Variants in TLN1 observed in about 807,000 individuals in gnomAD.
The protein encoded by TLN1 is talin-1.
In TLN1, 56 loss-of-function variants were observed where a neutral mutation model predicts 292.3. The observed-to-expected ratio is 0.19, with a 90% confidence interval of 0.15 to 0.24. The LOEUF is 0.24. Among genes scored for constraint, TLN1 ranks in the 10% least tolerant of loss-of-function variants. TLN1 has a pLI of 1.00. For synonymous variants in TLN1, 1,119 were observed against 1,253.7 expected (o/e 0.89, Z 2.27); for missense variants, 2,433 against 3,248.2 (o/e 0.75, Z 6.10).
intron 7 of TLN1, 106 bp downstream of exon 7, chr9:35,723,846 G>A: frequency 6.5e-7 from 1 of 1,542,652 alleles, no homozygotes; most frequent in South Asian, 1.2e-5. Flanking sequence ...TGGTACCTCG[G>A]AAGAAGAAAT....
In TLN1 at chr9:35,703,915, G is replaced by A. The variant is rs781651312; in HGVS notation, c.6232-15C>T. ...ATTAGTACCACCTGTGTGGGAAAGC[G>A]TTGGCTCTGGTCTATGGGAGGAAGA... is the stretch of plus-strand genomic sequence containing the variant. On this transcript the variant is annotated splice_polypyrimidine_tract_variant and intron_variant, in intron 46 of 56. Coordinates refer to ENST00000314888, the MANE Select transcript of TLN1 (RefSeq NM_006289.4). 6 of 1,613,924 alleles carry A rather than the reference G, an allele frequency of 3.7e-6. No individual in the cohort carries two copies. Among genetic ancestry groups the A allele is most frequent in the South Asian group, 1.1e-5 (1 of 91,090 alleles).
rs145146362 is a variant in TLN1, at chr9:35,722,178, G to A, written c.889C>T (p.Arg297Cys). Residue 297 changes from arginine (R) to cysteine (C), a missense_variant, in exon 9 of 57, where the codon CGC (arginine) becomes TGC (cysteine). Coordinates refer to ENST00000314888, the MANE Select transcript of TLN1 (RefSeq NM_006289.4). ...AGAGAACGGGCTAGCTTCACGTAGCGGACCTTGGCCTCAATCTCACTCATC... is the reference window on the plus strand; with the variant it reads ...AGAGAACGGGCTAGCTTCACGTAGCAGACCTTGGCCTCAATCTCACTCATC... ...GQMSEIEAKV[R>C]YVKLARSLKT... is the part of the protein sequence containing the mutation. The A allele has an allele frequency of 2.1e-5, 34 of 1,614,198 alleles. No individual in the cohort carries two copies. Among genetic ancestry groups the A allele is most frequent in the Admixed American group, 3.3e-5 (2 of 60,028 alleles).
At chr9:35,713,111 C>T (rs1412605787) in intron 26 of TLN1, 68 bp from the exon 27 acceptor site, 13 of 1,570,074 alleles carry the variant, frequency 8.3e-6, no homozygotes, top group Middle Eastern at 2.0e-4. Flanking sequence ...CCAGTGGTTT[C>T]GTCTGTCAGT....
In TLN1 at chr9:35,710,548, T is replaced by C; in HGVS notation, c.4326+13A>G. On this transcript the variant is annotated intron_variant, in intron 33 of 56. Coordinates refer to ENST00000314888, the MANE Select transcript of TLN1 (RefSeq NM_006289.4). ...GTAGGGGCCATTCAAAGAACCCATC[T>C]CAGGAAAATAACCTGTGCAGCTGCC... 1 of 1,608,772 alleles carries C rather than the reference T, an allele frequency of 6.2e-7. No homozygotes were observed. Among genetic ancestry groups the C allele is most frequent in the Non-Finnish European group, 8.5e-7 (1 of 1,176,880 alleles).
rs1233237980 is a variant in TLN1 at position 35,712,862 on chromosome 9, G to T, written c.3534C>A (p.Asp1178Glu). 1 of 1,590,614 alleles carries T rather than the reference G, an allele frequency of 6.3e-7. No homozygotes were observed. The highest frequency in any genetic ancestry group is 1.3e-5 in the African/African-American group (1 of 74,706). Residue 1178 changes from aspartate to glutamate, a missense_variant, in exon 27 of 57, where the codon GAC (aspartate) becomes GAA (glutamate). Around this residue, in one of 7 missense-constraint regions of TLN1, gnomAD observed 1,384 missense variants for 1,699.6 expected, o/e 0.81. Coordinates refer to ENST00000314888, the MANE Select transcript of TLN1 (RefSeq NM_006289.4). ...EAKKAAGHPGDPESQQRLAQV... is the reference protein window; with the variant it reads ...EAKKAAGHPGEPESQQRLAQV... ...GGGCAAGCCGCTGCTGGCTCTCAGG[G>T]TCCCCTGGATGGCCAGCTGCCTTTT...
intron 29 of TLN1, 43 bp from the exon 30 acceptor site, chr9:35,711,437 T>C (rs368023589): frequency 8.1e-6 from 13 of 1,612,902 alleles, no homozygotes; most frequent in Admixed American, 3.3e-5. Flanking sequence ...TGTCCTTTCT[T>C]ATCTGTCTCT....
At chr9:35,697,990 G>A in intron 56 of TLN1, 54 bp downstream of exon 56, 1 of 1,614,014 alleles carries the variant, frequency 6.2e-7, no homozygotes, top group Non-Finnish European at 8.5e-7. Context: ...GACCAGCGCA[G>A]GCAACATGAC....
Position 35,721,790 on chromosome 9 carries a change from C to T in TLN1, c.962G>A (p.Gly321Glu). The change falls in exon 10 of 57, where the codon GGG becomes GAG. Residue 321 changes from glycine to glutamate, a missense_variant. By Grantham distance (98) the Gly-to-Glu change is moderately conservative. Transcript: ENST00000314888. ...AAGCCTGGGCACTAGCTTGTTCTTC[C>T]CTTTCATTTTTTCCTATGAGGCAGA... ...SFFLVKEKMKGKNKLVPRLLG... is the reference protein window; with the variant it reads ...SFFLVKEKMKEKNKLVPRLLG... The T allele has an allele frequency of 6.2e-7, 1 of 1,609,992 alleles. No individual in the cohort carries two copies. The highest frequency in any genetic ancestry group is 8.5e-7 in the Non-Finnish European group (1 of 1,176,410).
rs765657300 is a variant in TLN1 at position 35,698,581 on chromosome 9, CA to C, written c.7188+35del. 1 of 1,614,084 alleles carries C rather than the reference CA, an allele frequency of 6.2e-7. No homozygotes were observed. The highest frequency in any genetic ancestry group is 8.5e-7 in the Non-Finnish European group (1 of 1,180,032). Reference sequence around the variant, plus strand: ...CCCACTCCAGCCTTCTCAAGTCTCTCAAACTGAGAGAGACCTAGTGGTATTG... The same window carrying C: ...CCCACTCCAGCCTTCTCAAGTCTCTCAACTGAGAGAGACCTAGTGGTATTG... On this transcript the variant is annotated intron_variant, in intron 54 of 56. Transcript: ENST00000314888. The surrounding 1 kb of genome is among the most constrained non-coding windows in gnomAD (Gnocchi z 5.3).
Position 35,706,559 on chromosome 9 carries a change from G to A in TLN1, c.5089-8C>T, listed in dbSNP as rs1274651718. 3 of 1,613,648 alleles carry A rather than the reference G, an allele frequency of 1.9e-6. No individual in the cohort carries two copies. In the South Asian group the frequency reaches 3.3e-5, roughly 18 times the overall value. On this transcript the variant is annotated splice_polypyrimidine_tract_variant and splice_region_variant and intron_variant, in intron 38 of 56. Transcript: ENST00000314888. The surrounding 1 kb of genome is among the most constrained non-coding windows in gnomAD (Gnocchi z 4.2). ...CATCTGAGTGTGCAAGGCCTGGGGA[G>A]GAAGTGGACATTAGCCCTGATGGTG...
In TLN1 at chr9:35,711,880, T is replaced by A. The variant is rs1825676093; in HGVS notation, c.3682-88A>T. On this transcript the variant is annotated intron_variant, in intron 28 of 56. Transcript: ENST00000314888. The stretch of plus-strand genomic sequence containing the variant: ...AAGGAGGGCTGAAAAGGTGGGCACA[T>A]AGCCTGGGAGTAATGAAAGGGGACA... The A allele has an allele frequency of 2.5e-6, 4 of 1,598,316 alleles. No homozygotes were observed. The East Asian group carries it at 6.7e-5, about 27-fold the overall frequency.
rs752927965 is a variant in TLN1 at position 35,725,302 on chromosome 9, A to G, written c.150T>C (p.Phe50=). The G allele has an allele frequency of 3.1e-6, 5 of 1,614,170 alleles. No homozygotes were observed. The Admixed American group carries it at 8.3e-5, about 27-fold the overall frequency. ...PAGPPSDFGL[F]LSDDDPKKGI... The stretch of plus-strand genomic sequence containing the variant: ...CCTTTTTGGGGTCATCATCTGACAG[A>G]AAGAGCCCAAAGTCGCTGGCTAAAA... Residue 50 remains phenylalanine (F), a synonymous_variant, in exon 3 of 57, where the codon TTT becomes TTC. Coordinates refer to ENST00000314888, the MANE Select transcript of TLN1 (RefSeq NM_006289.4).
chr9:35,727,100 C>T (rs1374448150), intron 1 of TLN1, among the ~76,000 whole-genome samples: 1 of 152,208 alleles, frequency 6.6e-6, no homozygotes, highest in Non-Finnish European at 1.5e-5. Context: ...GCAGGTGGCG[C>T]ACAGGCTGCA....
chr9:35,704,950 G>A lies in TLN1; in HGVS notation c.5734-135C>T. 9.1e-7 allele frequency: 1 copy of A among 1,097,520 alleles called. No individual in the cohort carries two copies. Among genetic ancestry groups the A allele is most frequent in the Non-Finnish European group, 1.3e-6 (1 of 780,396 alleles). The allele number at this position is 1,097,520 out of a possible 1,614,324, so 68.0% of individuals were successfully genotyped here. A position where few individuals can be genotyped will look rare whatever the true frequency, so the allele number is the denominator to read the frequency against. On this transcript the variant is annotated intron_variant, in intron 43 of 56. Coordinates refer to ENST00000314888, the MANE Select transcript of TLN1 (RefSeq NM_006289.4). This position sits in a 1 kb window ranked among gnomAD's most constrained non-coding sequence, Gnocchi z 6.9. ...AAGAAGCAGAGAGAGAAGGTTCCCA[G>A]CACAAGGACGTTTCCGGTTGCATAT...
chr9:35,714,607 A>G lies in TLN1; in HGVS notation c.2952T>C (p.Leu984=). Residue 984 remains leucine (L), a synonymous_variant, in exon 23 of 57, where the codon CTT becomes CTC. Coordinates refer to ENST00000314888, the MANE Select transcript of TLN1 (RefSeq NM_006289.4). The surrounding 1 kb of genome is among the most constrained non-coding windows in gnomAD (Gnocchi z 4.6). ...AGCTCTGGCTGGCAGCAATGAGGGC[A>G]AGCTGAGCGCTGGGGCTGTCAGGCT... is the stretch of plus-strand genomic sequence containing the variant. ...QAQPDSPSAQ[L]ALIAASQSFL... is the part of the protein sequence containing the mutation. 1 of 1,612,782 alleles carries G rather than the reference A, an allele frequency of 6.2e-7. No individual in the cohort carries two copies. The highest frequency in any genetic ancestry group is 8.5e-7 in the Non-Finnish European group (1 of 1,180,028).
At position 35,705,737 on chromosome 9, in the gene TLN1, C is replaced by T. The variant is rs201626255; in HGVS notation, c.5613+13G>A. ...TCTCCGAGGGCAGTCCTCTGGGACT[C>T]GCCCAAACTCACCATCTCCTGAACG... On this transcript the variant is annotated intron_variant, in intron 42 of 56. Coordinates refer to ENST00000314888, the MANE Select transcript of TLN1 (RefSeq NM_006289.4). The T allele has an allele frequency of 4.5e-5, 72 of 1,614,200 alleles. 1 individual carries two copies. The Admixed American group carries it at 1.0e-3, about 24-fold the overall frequency.
At position 35,699,981 on chromosome 9, in the gene TLN1, A is replaced by T; in HGVS notation, c.6761T>A (p.Val2254Glu). Reference protein sequence around the residue: ...ANGYLELLDHVLLTLQKPSPE... With the variant: ...ANGYLELLDHELLTLQKPSPE... ...AGCAACGCCCTCCCTTACCAGCAGT[A>T]CATGGTCCAGCAGTTCCAGGTAGCC... The change falls in exon 50 of 57, where the codon GTA (valine) becomes GAA (glutamate). Residue 2254 changes from valine (V) to glutamate (E), a missense_variant. Physicochemically the swap from Val to Glu is moderately radical, Grantham distance 121. Coordinates refer to ENST00000314888, the MANE Select transcript of TLN1 (RefSeq NM_006289.4). The surrounding 1 kb of genome is among the most constrained non-coding windows in gnomAD (Gnocchi z 4.0). 2 of 1,611,878 alleles carry T rather than the reference A, an allele frequency of 1.2e-6. No individual in the cohort carries two copies. The highest frequency in any genetic ancestry group is 3.3e-5 in the Admixed American group (2 of 59,804).
chr9:35,720,149 T>C lies in TLN1; in HGVS notation c.1354A>G (p.Ile452Val), dbSNP rs1224311715. 5.0e-6 allele frequency: 8 copies of C among 1,612,456 alleles called. No homozygotes were observed. Among genetic ancestry groups the C allele is most frequent in the Non-Finnish European group, 5.9e-6 (7 of 1,179,386 alleles). Residue 452 changes from isoleucine (I) to valine (V), a missense_variant, in exon 13 of 57, where the codon ATC (isoleucine) becomes GTC (valine). By Grantham distance (29) the Ile-to-Val change is conservative (BLOSUM62 3). This residue lies in a region of TLN1 where 617 missense variants were observed against 770.6 expected (regional missense o/e 0.80). Transcript: ENST00000314888. The part of the protein sequence containing the change: ...VEHGSVALPA[I>V]MRSGASGPEN... ...GGACCAGAGGCTCCAGAGCGCATGATGGCAGGCAGGGCCACAGAGCCATGC... is the reference window on the plus strand; with the variant it reads ...GGACCAGAGGCTCCAGAGCGCATGACGGCAGGCAGGGCCACAGAGCCATGC...
In TLN1 at chr9:35,714,534, G is replaced by A; in HGVS notation, c.2985+40C>T. ...GTGGGAGATGGAAGCTTAGAAAGGT[G>A]GGAAGGTCAGGTCAGAGAAGTGCAG... On this transcript the variant is annotated intron_variant, in intron 23 of 56. Transcript: ENST00000314888. This position sits in a 1 kb window ranked among gnomAD's most constrained non-coding sequence, Gnocchi z 4.6. The A allele has an allele frequency of 2.5e-6, 4 of 1,597,950 alleles. No homozygotes were observed. The highest frequency in any genetic ancestry group is 2.2e-5 in the East Asian group (1 of 44,814).
Sources: gnomAD v4.1 joint callset for allele counts (sites outside exome capture counted in the v4.1 genomes callset) on GRCh38, gnomAD v4.1.1 for gene constraint, gnomAD v4.1.1 regional missense constraint, Gnocchi (gnomAD v3.1) non-coding constraint, MANE v1.5 for transcripts, NCBI Gene and HGNC (gene_info 2026-07-23, HGNC 2026-07-21) for gene names.